KCNN1: variants seen among roughly 807,000 people sequenced by gnomAD.
The protein encoded by KCNN1 is potassium calcium-activated channel subfamily N member 1.
A neutral mutation model predicts 44.7 loss-of-function variants in KCNN1; 20 were observed. The ratio of observed to expected loss-of-function variants is 0.45; its 90% CI spans 0.32 to 0.65. KCNN1 has a LOEUF of 0.65. Among genes scored for constraint, KCNN1 ranks in the 30% least tolerant of loss-of-function variants. KCNN1 has a pLI of 0.05. For synonymous variants in KCNN1, 324 were observed against 341.7 expected, an observed-to-expected ratio of 0.95 and a Z score of 0.57; for missense variants, 632 against 785.3, an observed-to-expected ratio of 0.80 and a Z score of 2.33.
At chr19:17,955,307 T>A (rs2031515516) in intron 2 of KCNN1, among the ~76,000 whole-genome samples, 1 of 149,612 alleles carries the variant, frequency 6.7e-6, no homozygotes, top group Admixed American at 6.7e-5. Context: ...ACGCTTGTAA[T>A]CCCAGCACTT....
intron 5 of KCNN1, among the ~76,000 whole-genome samples, chr19:17,986,136 C>T (rs1437548632): frequency 6.6e-6 from 1 of 151,832 alleles, no homozygotes; most frequent in Non-Finnish European, 1.5e-5. Flanking sequence ...GAGGCCAAGG[C>T]GGGTGGATCA....
chr19:17,973,108 G>C (rs1355626921), intron 1 of KCNN1, among the ~76,000 whole-genome samples: 2 of 152,172 alleles, frequency 1.3e-5, no homozygotes, highest in Non-Finnish European at 2.9e-5. Flanking sequence ...CTTGGCCATA[G>C]TGAAGAGTTT....
chr19:17,953,480 G>C (rs2031468653), intron 1 of KCNN1, among the ~76,000 whole-genome samples: 2 of 152,200 alleles, frequency 1.3e-5, no homozygotes. Flanking sequence ...CTGGGGTCTG[G>C]CATTGCCCCT....
intron 2 of KCNN1, among the ~76,000 whole-genome samples, chr19:17,960,833 A>G (rs1018911197): frequency 6.6e-6 from 1 of 151,836 alleles, no homozygotes; most frequent in African/African-American, 2.4e-5. Flanking sequence ...CTCTGTTTTC[A>G]CATGACCTTC....
intron 1 of KCNN1, among the ~76,000 whole-genome samples, chr19:17,952,773 A>G (rs1076357): frequency 0.11 from 16,573 of 151,312 alleles, 1,070 homozygotes; most frequent in Admixed American, 0.17. Flanking sequence ...GTAGGAGGGA[A>G]CCCCCCACCT....
chr19:17,951,630 G>T (rs144048759), intron 1 of KCNN1, among the ~76,000 whole-genome samples: 1 of 152,114 alleles, frequency 6.6e-6, no homozygotes, highest in Non-Finnish European at 1.5e-5. Context: ...GCGCAGGTTG[G>T]GGGGAGGGTG....
At chr19:17,992,269 G>A (rs889502683) in intron 7 of KCNN1, among the ~76,000 whole-genome samples, 1 of 152,156 alleles carries the variant, frequency 6.6e-6, no homozygotes. Flanking sequence ...GTTGCAATGA[G>A]CCAAGATCAC....
chr19:17,979,519 A>T (rs1321364143), intron 3 of KCNN1, among the ~76,000 whole-genome samples: 2 of 118,220 alleles, frequency 1.7e-5, no homozygotes, highest in Non-Finnish European at 3.3e-5. Context: ...CCCGGTCTCA[A>T]AAATAGGGTG....
Position 17,967,231 on chromosome 19 carries a change from C to T in KCNN1, c.-168C>T. On this transcript the variant is annotated 5_prime_UTR_variant, in exon 1 of 10. Transcript: ENST00000684775. ...CTGCTGCCCGCCCCGTCCGCGACCC[C>T]GGCTCCGGCTCCCGACTGGGGGTCC... The T allele has an allele frequency of 1.0e-6, 1 of 983,604 alleles. No homozygotes were observed. The highest frequency in any genetic ancestry group is 1.2e-6 in the Non-Finnish European group (1 of 828,762). The allele number at this position is 983,604 out of a possible 1,614,324, so 60.9% of individuals were successfully genotyped here.
At position 17,954,043 on chromosome 19, in the gene KCNN1, C is replaced by T. The variant is rs552700908; in HGVS notation, c.-202-518C>T. 1.2e-4 allele frequency among the ~76,000 whole-genome samples: 19 copies of T among 152,250 alleles called. No homozygotes were observed. In the South Asian group the frequency reaches 3.7e-3, roughly 30 times the overall value. On this transcript the variant is annotated intron_variant, in intron 1 of 10. Transcript: ENST00000222249. ...GCATTCAGTGTCTAGCTTCTGGAGC[C>T]CAGTGAAAGGAGGAGTGGCCTTAGG...
intron 1 of KCNN1, among the ~76,000 whole-genome samples, chr19:17,952,871 G>A (rs1005092331): frequency 1.3e-5 from 2 of 152,154 alleles, no homozygotes; most frequent in Admixed American, 6.5e-5. Flanking sequence ...GACAGGAGGA[G>A]GGGCTGAGGC....
rs1379714390 is a variant in KCNN1 at position 17,967,114 on chromosome 19, C to A, written c.-285C>A. 2 of 978,368 alleles carry A rather than the reference C, an allele frequency of 2.0e-6. No individual in the cohort carries two copies. The highest frequency in any genetic ancestry group is 6.3e-5 in the Admixed American group (1 of 15,896). The allele number at this position is 978,368 out of a possible 1,614,324, so 60.6% of individuals were successfully genotyped here. A position where few individuals can be genotyped will look rare whatever the true frequency, so the allele number is the denominator to read the frequency against. On this transcript the variant is annotated 5_prime_UTR_variant, in exon 1 of 10. Coordinates refer to ENST00000684775, the MANE Select transcript of KCNN1 (RefSeq NM_001386974.1). ...TTCTCTCCCGGCCCGGGCGGGCGCT[C>A]GCCCCCCGCCGGGCCCGTGGACTGG... is the stretch of plus-strand genomic sequence containing the variant.
chr19:17,977,080 A>G (rs2145933215), intron 3 of KCNN1, among the ~76,000 whole-genome samples: 1 of 152,122 alleles, frequency 6.6e-6, no homozygotes, highest in South Asian at 2.1e-4. Flanking sequence ...GAAAGTCTGG[A>G]GTATAGAAGT....
intron 7 of KCNN1, among the ~76,000 whole-genome samples, chr19:17,990,302 C>G (rs2032743333): frequency 2.0e-5 from 3 of 150,192 alleles, no homozygotes; most frequent in African/African-American, 2.5e-5. Flanking sequence ...CGTGGCAATA[C>G]AGGGAGACCC....
At chr19:17,957,001 G>A (rs1459599905) in intron 2 of KCNN1, among the ~76,000 whole-genome samples, 3 of 149,684 alleles carry the variant, frequency 2.0e-5, no homozygotes, top group African/African-American at 4.9e-5. Flanking sequence ...GCAGTGAGCC[G>A]AAATTGCAGC....
At position 17,993,258 on chromosome 19, in the gene KCNN1, C is replaced by G. The variant is rs1302448471; in HGVS notation, c.1307+196C>G. On this transcript the variant is annotated intron_variant, in intron 8 of 9. Transcript: ENST00000684775. The surrounding 1 kb of genome is among the most constrained non-coding windows in gnomAD (Gnocchi z 4.5). The stretch of plus-strand genomic sequence containing the variant: ...GGGCAGTCCTGAGTTGGGCCGGAGA[C>G]AGGACCAGCCAATGGGTGGTGTGGG... Among the ~76,000 whole-genome samples, 2 of 152,138 alleles carry G rather than the reference C, an allele frequency of 1.3e-5. No individual in the cohort carries two copies. The highest frequency in any genetic ancestry group is 1.9e-4 in the East Asian group (1 of 5,184).
At chr19:17,968,359 G>C (rs1234496053) in intron 1 of KCNN1, among the ~76,000 whole-genome samples, 1 of 147,582 alleles carries the variant, frequency 6.8e-6, no homozygotes, top group African/African-American at 2.5e-5. Flanking sequence ...AGCTCTTACA[G>C]ACTGCAAAGC....
At chr19:17,966,951 C>G (rs2031827952), upstream of KCNN1, among the ~76,000 whole-genome samples, 1 of 150,550 alleles carries the variant, frequency 6.6e-6, no homozygotes, top group South Asian at 2.1e-4. Context: ...GTTCGAAGAC[C>G]AGCCGCATGC....
rs1447034465 is a variant in KCNN1 at position 17,998,148 on chromosome 19, G to A, written c.1378-4G>A. ...TCTCTCCTGCCCCTCTCTGTCTCCC[G>A]CAGACCCAGACCGTCATGTACGACC... On this transcript the variant is annotated splice_region_variant and splice_polypyrimidine_tract_variant and intron_variant, in intron 9 of 9. Coordinates refer to ENST00000684775, the MANE Select transcript of KCNN1 (RefSeq NM_001386974.1). The surrounding 1 kb of genome is among the most constrained non-coding windows in gnomAD (Gnocchi z 5.4). 6.3e-6 allele frequency: 10 copies of A among 1,582,784 alleles called. No individual in the cohort carries two copies. Among genetic ancestry groups the A allele is most frequent in the East Asian group, 2.3e-5 (1 of 43,946 alleles).
Sources: allele counts gnomAD v4.1 joint callset (sites outside exome capture counted in the v4.1 genomes callset), GRCh38; gene constraint gnomAD v4.1.1; non-coding constraint Gnocchi (gnomAD v3.1); transcripts MANE v1.5; gene names NCBI Gene and HGNC (gene_info 2026-07-23, HGNC 2026-07-21).